Variants in S100A13 observed in about 807,000 individuals in gnomAD.
The protein encoded by S100A13 is protein S100-A13.
A neutral mutation model predicts 8.2 loss-of-function variants in S100A13; 6 were observed. That is an observed-to-expected ratio of 0.73 (90% CI 0.40 to 1.44). The LOEUF (loss-of-function observed/expected upper bound fraction) is 1.44, where lower values mean the gene tolerates loss of function less well. Ranked by LOEUF, S100A13 falls within the 40% of genes most tolerant of loss-of-function variation. The pLI is 0.02. For synonymous variants in S100A13, 39 were observed against 45.9 expected (o/e 0.85, Z 0.61); for missense variants, 114 against 113.6 (o/e 1.00, Z -0.02).
intron 1 of S100A13, 198 bp downstream of exon 1, chr1:153,627,285 C>G (rs1667717444): frequency 6.6e-6 from 1 of 152,334 alleles, no homozygotes; most frequent in African/African-American, 2.4e-5. Flanking sequence ...TCACAACCCC[C>G]TGGGGTGCGG....
At chr1:153,633,918 A>C (rs9427340), upstream of S100A13, 20 of 152,254 alleles carry the variant, frequency 1.3e-4, no homozygotes, top group East Asian at 3.9e-3. Flanking sequence ...GGGGCACTGC[A>C]TGGAAAGCCC....
chr1:153,631,886 G>A, upstream of S100A13: 1 of 1,597,882 alleles, frequency 6.3e-7, no homozygotes, highest in Non-Finnish European at 8.5e-7. Context: ...CACCCTCCCA[G>A]ACCTGCCTCT....
chr1:153,626,379 T>C lies in S100A13; in HGVS notation c.94A>G (p.Ser32Gly). ...TFARQEGRKD[S>G]LSVNEFKELV... ...TCTTTGAACTCGTTGACGCTGAGGC[T>C]ATCCTTCCGGCCCTCCTGCCTTGCA... Residue 32 changes from serine to glycine, a missense_variant, in exon 2 of 3, where the codon AGC (serine) becomes GGC (glycine). Coordinates refer to ENST00000476133, the MANE Select transcript of S100A13 (RefSeq NM_001024211.2). 1 of 1,614,218 alleles carries C rather than the reference T, an allele frequency of 6.2e-7. No homozygotes were observed. The highest frequency in any genetic ancestry group is 8.5e-7 in the Non-Finnish European group (1 of 1,180,040).
At chr1:153,619,228 C>T (rs1667081657) in intron 2 of S100A13, among the ~76,000 whole-genome samples, 190 bp from the exon 3 acceptor site, 1 of 152,188 alleles carries the variant, frequency 6.6e-6, no homozygotes, top group Admixed American at 6.5e-5. Context: ...CAAGGAGCAC[C>T]AGCAGAGAAA....
At chr1:153,628,099 C>T, upstream of S100A13, 1 of 1,550,456 alleles carries the variant, frequency 6.4e-7, no homozygotes, top group Non-Finnish European at 8.7e-7. Context: ...CTAAGACCCC[C>T]TCAGCAGAAT....
At chr1:153,630,536 G>T (rs535234507), upstream of S100A13, 1 of 1,614,104 alleles carries the variant, frequency 6.2e-7, no homozygotes, top group African/African-American at 1.3e-5. Context: ...GCTCTGAGCT[G>T]GAGACGGCGA....
chr1:153,626,094 G>A (rs555527747), intron 2 of S100A13, among the ~76,000 whole-genome samples: 10 of 152,300 alleles, frequency 6.6e-5, no homozygotes, highest in Middle Eastern at 3.4e-3. Flanking sequence ...CTTGAACCCC[G>A]GAGATGGAGG....
At chr1:153,622,047 T>G (rs927209172) in intron 2 of S100A13, among the ~76,000 whole-genome samples, 13 of 151,720 alleles carry the variant, frequency 8.6e-5, no homozygotes, top group Non-Finnish European at 1.8e-4. Context: ...GGTACAACTT[T>G]TTTAGGAGGC....
At chr1:153,630,128 T>TA (rs1426424022), upstream of S100A13, 1 of 323,050 alleles carries the variant, frequency 3.1e-6, no homozygotes, top group African/African-American at 2.1e-5. Context: ...AGGGTAAAAA[T>TA]AGAGCCAGAG....
At chr1:153,628,608 C>A, upstream of S100A13, 2 of 1,463,220 alleles carry the variant, frequency 1.4e-6, no homozygotes, top group Non-Finnish European at 1.8e-6. Flanking sequence ...CACTGAGGAT[C>A]TGGGAGGAGT....
upstream of S100A13, chr1:153,628,200 T>A: frequency 6.5e-7 from 1 of 1,549,652 alleles, no homozygotes; most frequent in Non-Finnish European, 8.7e-7. Context: ...TCCCAGGACC[T>A]CCTTCCCACC....
intron 1 of S100A13, chr1:153,627,232 GC>G (rs2101611017): frequency 1.3e-5 from 2 of 152,476 alleles, no homozygotes; most frequent in Admixed American, 1.3e-4. Flanking sequence ...CTGGAACGGG[GC>G]GTCTCTGACT....
chr1:153,625,143 CAGG>C (rs1667528686), intron 2 of S100A13, among the ~76,000 whole-genome samples: 1 of 152,096 alleles, frequency 6.6e-6, no homozygotes, highest in African/African-American at 2.4e-5. Context: ...GAGGCTGGGG[CAGG>C]AGGATTGCCT....
intron 2 of S100A13, among the ~76,000 whole-genome samples, chr1:153,623,899 A>T (rs1032193051): frequency 2.6e-5 from 4 of 152,198 alleles, no homozygotes; most frequent in African/African-American, 9.7e-5. Context: ...GCAAGTTACT[A>T]TAGGTGAAAT....
At chr1:153,634,205 A>G (rs1189526694), upstream of S100A13, 1 of 152,630 alleles carries the variant, frequency 6.6e-6, no homozygotes, top group African/African-American at 2.4e-5. Context: ...CTCGCATACT[A>G]CCGCTTACGC....
At chr1:153,627,961 A>AG, upstream of S100A13, 1 of 1,412,902 alleles carries the variant, frequency 7.1e-7, no homozygotes, top group Non-Finnish European at 9.6e-7. Context: ...CCACACACAG[A>AG]GGGGGATCCA....
At chr1:153,628,736 G>A, upstream of S100A13, 2 of 666,670 alleles carry the variant, frequency 3.0e-6, no homozygotes, top group East Asian at 2.9e-5. Context: ...GAGGAAGCCA[G>A]TGGGGAACCC....
At chr1:153,620,286 CA>C (rs1667153719) in intron 2 of S100A13, among the ~76,000 whole-genome samples, 2 of 149,744 alleles carry the variant, frequency 1.3e-5, no homozygotes, top group Non-Finnish European at 3.0e-5. Context: ...GACTCTGTCT[CA>C]AAAAAAGAAA....
In S100A13 at chr1:153,625,974, C is replaced by A. The variant is rs150662725; in HGVS notation, c.153+346G>T. ...CCTGAGGTCAGGAGTTCGAGACCAG[C>A]CTGGCCAACCTGGTGAAACCCTGTC... On this transcript the variant is annotated intron_variant, in intron 2 of 2. Transcript: ENST00000476133. Among the ~76,000 whole-genome samples the A allele has an allele frequency of 1.8e-3, 275 of 152,288 alleles. 2 individuals carry two copies. The highest frequency in any genetic ancestry group is 6.1e-3 in the African/African-American group (252 of 41,582).
Sources: allele counts gnomAD v4.1 joint callset (sites outside exome capture counted in the v4.1 genomes callset), GRCh38; gene constraint gnomAD v4.1.1; transcripts MANE v1.5; gene names NCBI Gene and HGNC (gene_info 2026-07-23, HGNC 2026-07-21).